Variants in PRDM12 observed in about 807,000 individuals in gnomAD.
The protein encoded by PRDM12 is PR domain zinc finger protein 12.
In PRDM12, 17 loss-of-function variants were observed where a neutral mutation model predicts 29.6. That is an observed-to-expected ratio of 0.57 (90% CI 0.39 to 0.86). The LOEUF is 0.86. PRDM12 is among the 40% of genes least tolerant of loss of function. The pLI, the probability that PRDM12 is intolerant of heterozygous loss-of-function variation, is 0.00. For missense variants in PRDM12, 422 were observed against 510.8 expected (o/e 0.83, Z 1.68); for synonymous variants, 231 against 225.8 (o/e 1.02, Z -0.21).
At chr9:130,665,445 C>A (rs1264727079) in intron 1 of PRDM12, among the ~76,000 whole-genome samples, 1 of 152,148 alleles carries the variant, frequency 6.6e-6, no homozygotes, top group Non-Finnish European at 1.5e-5. Flanking sequence ...CAAACAATAT[C>A]TTTCCCTGGC....
chr9:130,680,626 A>AAG, intron 4 of PRDM12, among the ~76,000 whole-genome samples: 1 of 65,494 alleles, frequency 1.5e-5, no homozygotes, highest in East Asian at 5.5e-4. Flanking sequence ...CTCCGTCTAA[A>AAG]AAAAAAAAAT....
At chr9:130,673,799 G>A (rs1340195909) in intron 3 of PRDM12, among the ~76,000 whole-genome samples, 8 of 147,652 alleles carry the variant, frequency 5.4e-5, no homozygotes, top group East Asian at 2.0e-4. Flanking sequence ...AGCCTCCTGC[G>A]TAGCTGGGAT....
At position 130,670,336 on chromosome 9, in the gene PRDM12, C is replaced by T. The variant is rs530872555; in HGVS notation, c.570+2023C>T. On this transcript the variant is annotated intron_variant, in intron 3 of 4. Transcript: ENST00000253008. ...GGGGTGCCAGGGCCTAGTAGCTTCT[C>T]GGATGGGTTCCTTTGGTTGTCCCTG... Among the ~76,000 whole-genome samples, 7 of 152,180 alleles carry T rather than the reference C, an allele frequency of 4.6e-5. No individual in the cohort carries two copies. In the East Asian group the frequency reaches 5.8e-4, roughly 13 times the overall value.
chr9:130,664,950 G>C lies in PRDM12; in HGVS notation c.223+74G>C. The C allele has an allele frequency of 1.4e-6, 2 of 1,398,986 alleles. No individual in the cohort carries two copies. The highest frequency in any genetic ancestry group is 5.1e-5 in the East Asian group (2 of 39,148). The allele number at this position is 1,398,986 out of a possible 1,614,324, so 86.7% of individuals were successfully genotyped here. On this transcript the variant is annotated intron_variant, in intron 1 of 4. Coordinates refer to ENST00000253008, the MANE Select transcript of PRDM12 (RefSeq NM_021619.3). The surrounding 1 kb of genome is among the most constrained non-coding windows in gnomAD (Gnocchi z 6.4). ...CCATTCCCGTCCTGGCGATGCGCGA[G>C]ACGCGGCTGGGATACCCGGCCTCGC...
intron 3 of PRDM12, among the ~76,000 whole-genome samples, chr9:130,670,237 G>C (rs2132594044): frequency 6.6e-6 from 1 of 152,230 alleles, no homozygotes; most frequent in East Asian, 1.9e-4. Flanking sequence ...GAGGAGCAGA[G>C]AGTGACCGAC....
intron 3 of PRDM12, among the ~76,000 whole-genome samples, chr9:130,676,630 A>G (rs1238515553): frequency 6.6e-6 from 1 of 152,214 alleles, no homozygotes; most frequent in Admixed American, 6.5e-5. Context: ...GAATGAGCAG[A>G]GAGGTCACCA....
At chr9:130,672,764 A>C (rs1052862546) in intron 3 of PRDM12, among the ~76,000 whole-genome samples, 2 of 152,220 alleles carry the variant, frequency 1.3e-5, no homozygotes, top group East Asian at 3.8e-4. Flanking sequence ...GATGACATTG[A>C]GATCCTTTTA....
At chr9:130,666,376 C>A (rs1830733217) in intron 1 of PRDM12, among the ~76,000 whole-genome samples, 1 of 152,228 alleles carries the variant, frequency 6.6e-6, no homozygotes, top group African/African-American at 2.4e-5. Flanking sequence ...TGATCCCCAA[C>A]GCACCACTCG....
intron 3 of PRDM12, among the ~76,000 whole-genome samples, chr9:130,673,288 A>G (rs1830805660): frequency 1.3e-5 from 2 of 152,188 alleles, no homozygotes; most frequent in South Asian, 4.1e-4. Context: ...CAGTGATCCC[A>G]GGGTTCCAGG....
At chr9:130,671,374 GACACACACACAC>G (rs56920587) in intron 3 of PRDM12, among the ~76,000 whole-genome samples, 161 of 135,726 alleles carry the variant, frequency 1.2e-3, no homozygotes, top group Middle Eastern at 3.7e-3. Context: ...AGAGGATCAG[GACACACACACAC>G]ACACACACAC....
rs142838055 is a variant in PRDM12, at chr9:130,665,749, A to G, written c.224-859A>G. Among the ~76,000 whole-genome samples, 23 of 152,252 alleles carry G rather than the reference A, an allele frequency of 1.5e-4. 1 individual carries two copies. The East Asian group carries it at 4.1e-3, about 27-fold the overall frequency. The stretch of plus-strand genomic sequence containing the variant: ...GTGACAAATTGCCCGCCGCGCCGCA[A>G]TGGACACCGTTTAACCCCCCCCTTT... On this transcript the variant is annotated intron_variant, in intron 1 of 4. Coordinates refer to ENST00000253008, the MANE Select transcript of PRDM12 (RefSeq NM_021619.3).
intron 3 of PRDM12, among the ~76,000 whole-genome samples, chr9:130,672,258 A>G (rs1001020599): frequency 1.3e-5 from 2 of 152,022 alleles, no homozygotes; most frequent in Non-Finnish European, 2.9e-5. Flanking sequence ...CTGGAGTGCA[A>G]TGGTGCAATC....
At chr9:130,675,380 G>A (rs1830832495) in intron 3 of PRDM12, among the ~76,000 whole-genome samples, 2 of 152,158 alleles carry the variant, frequency 1.3e-5, no homozygotes, top group South Asian at 2.1e-4. Context: ...TGGGAATTGC[G>A]GGTACCTGCA....
At chr9:130,671,213 C>T (rs988998614) in intron 3 of PRDM12, among the ~76,000 whole-genome samples, 3 of 152,110 alleles carry the variant, frequency 2.0e-5, no homozygotes. Flanking sequence ...GTCATGGTGG[C>T]GGGTGTCTGT....
chr9:130,665,838 G>A (rs1441760069), intron 1 of PRDM12, among the ~76,000 whole-genome samples: 4 of 152,184 alleles, frequency 2.6e-5, no homozygotes, highest in Non-Finnish European at 5.9e-5. Context: ...AAGACATGGA[G>A]GCCGCCCTTG....
At chr9:130,669,292 A>C (rs991618862) in intron 3 of PRDM12, among the ~76,000 whole-genome samples, 16 of 152,050 alleles carry the variant, frequency 1.1e-4, no homozygotes, top group African/African-American at 3.4e-4. Flanking sequence ...ACGCCACTGC[A>C]CTCCAGCCTG....
rs1429020413 is a variant in PRDM12 at position 130,681,279 on chromosome 9, C to A, written c.714C>A (p.Gly238=). The A allele has an allele frequency of 6.7e-7, 1 of 1,484,570 alleles. No homozygotes were observed. The highest frequency in any genetic ancestry group is 1.9e-5 in the Admixed American group (1 of 51,762). The allele number at this position is 1,484,570 out of a possible 1,614,324, so 92.0% of individuals were successfully genotyped here. The change falls in exon 5 of 5, where the codon GGC becomes GGA. Residue 238 remains glycine (G), a synonymous_variant. Coordinates refer to ENST00000253008, the MANE Select transcript of PRDM12 (RefSeq NM_021619.3). This position sits in a 1 kb window ranked among gnomAD's most constrained non-coding sequence, Gnocchi z 8.1. ...TCCACCCGGCGGACTCGGCGGCTGG[C>A]CCCGCGGGCCGCATGCGATGCGTCA... ...EDFHPADSAA[G]PAGRMRCVIC... is the part of the protein sequence containing the mutation.
intron 3 of PRDM12, among the ~76,000 whole-genome samples, chr9:130,677,795 A>G (rs994469537): frequency 6.6e-6 from 1 of 152,120 alleles, no homozygotes; most frequent in African/African-American, 2.4e-5. Context: ...AAACCCTCTG[A>G]CCAACATCCT....
intron 3 of PRDM12, 93 bp from the exon 4 acceptor site, chr9:130,678,436 G>A (rs776558863): frequency 5.4e-5 from 47 of 863,910 alleles, no homozygotes; most frequent in East Asian, 2.3e-4. Flanking sequence ...GACTGGGTCC[G>A]GGTCTCCTGG....
Sources: gnomAD v4.1 joint callset for allele counts (sites outside exome capture counted in the v4.1 genomes callset) on GRCh38, gnomAD v4.1.1 for gene constraint, Gnocchi (gnomAD v3.1) non-coding constraint, MANE v1.5 for transcripts, NCBI Gene and HGNC (gene_info 2026-07-23, HGNC 2026-07-21) for gene names.